Variants in RORA observed in about 807,000 individuals in gnomAD.
RORA encodes the protein RAR related orphan receptor A.
In RORA, 7 loss-of-function variants were observed where a neutral mutation model predicts 69.5. The observed-to-expected ratio is 0.10, with a 90% CI of 0.06 to 0.19. The LOEUF (loss-of-function observed/expected upper bound fraction) is 0.19, where lower values mean the gene tolerates loss of function less well. Among genes scored for constraint, RORA ranks in the 10% least tolerant of loss-of-function variants. The pLI, the probability that RORA is intolerant of heterozygous loss-of-function variation, is 1.00. For synonymous variants in RORA, 261 were observed against 240.8 expected (o/e 1.08, Z -0.78); for missense variants, 457 against 663.0 (o/e 0.69, Z 3.41).
At chr15:60,935,884 C>A (rs1413548262) in intron 1 of RORA, among the ~76,000 whole-genome samples, 1 of 152,206 alleles carries the variant, frequency 6.6e-6, no homozygotes, top group African/African-American at 2.4e-5. Flanking sequence ...TTAGCTTTGC[C>A]CTTTTTAGAG....
chr15:61,042,661 G>A (rs772596889), intron 1 of RORA, among the ~76,000 whole-genome samples: 4 of 152,178 alleles, frequency 2.6e-5, no homozygotes, highest in Non-Finnish European at 4.4e-5. Flanking sequence ...ACTCAATAGC[G>A]GATGATGCCA....
intron 1 of RORA, among the ~76,000 whole-genome samples, chr15:60,938,281 G>C (rs78162579): frequency 0.02 from 3,053 of 152,282 alleles, 37 homozygotes; most frequent in Middle Eastern, 0.048. Flanking sequence ...AGGTCTGTAG[G>C]AGGCAATAAT....
chr15:60,946,477 C>T (rs373843796), intron 1 of RORA, among the ~76,000 whole-genome samples: 23 of 152,354 alleles, frequency 1.5e-4, no homozygotes, highest in African/African-American at 5.3e-4. Context: ...GCTTTGTTGG[C>T]CGGGCTGGTC....
At chr15:60,963,487 G>A (rs2068445892) in intron 1 of RORA, among the ~76,000 whole-genome samples, 1 of 152,222 alleles carries the variant, frequency 6.6e-6, no homozygotes, top group Non-Finnish European at 1.5e-5. Flanking sequence ...TGGGCCTAGA[G>A]CAATTATCTG....
chr15:61,059,685 A>AC (rs1555406727), intron 1 of RORA, among the ~76,000 whole-genome samples: 1 of 150,846 alleles, frequency 6.6e-6, no homozygotes, highest in Non-Finnish European at 1.5e-5. Flanking sequence ...CTTCTTCTCA[A>AC]TTTTTTTTTA....
intron 2 of RORA, among the ~76,000 whole-genome samples, chr15:60,596,003 A>G (rs2068658623): frequency 6.6e-6 from 1 of 152,180 alleles, no homozygotes; most frequent in Non-Finnish European, 1.5e-5. Context: ...AGATGGGTGC[A>G]TTTTTGCAGG....
chr15:61,142,727 C>T (rs1428050434), intron 1 of RORA, among the ~76,000 whole-genome samples: 1 of 152,110 alleles, frequency 6.6e-6, no homozygotes, highest in Non-Finnish European at 1.5e-5. Context: ...CTCTGTCATT[C>T]ATAATATCAA....
intron 1 of RORA, among the ~76,000 whole-genome samples, chr15:60,922,614 C>T (rs1892085879): frequency 6.6e-6 from 1 of 152,190 alleles, no homozygotes; most frequent in Non-Finnish European, 1.5e-5. Flanking sequence ...ACAAGGTATA[C>T]TTAGTATGCA....
chr15:60,554,082 G>A (rs2067294575), intron 2 of RORA, among the ~76,000 whole-genome samples: 3 of 151,966 alleles, frequency 2.0e-5, no homozygotes, highest in African/African-American at 7.3e-5. Flanking sequence ...AAGAAGTTGG[G>A]TTTTTTCCTC....
intron 1 of RORA, among the ~76,000 whole-genome samples, chr15:60,852,743 AC>A (rs1231692746): frequency 6.6e-6 from 1 of 152,204 alleles, no homozygotes; most frequent in Non-Finnish European, 1.5e-5. Context: ...TCTGCAGCAA[AC>A]AGTATCATCA....
At position 60,491,955 on chromosome 15, in the gene RORA, A is replaced by C. The variant is rs2065048040; in HGVS notation, c.*5500T>G. 1 of 152,100 alleles carries C rather than the reference A, an allele frequency of 6.6e-6. No homozygotes were observed. 9.4% of individuals were successfully genotyped at this position (152,100 alleles called of 1,614,324 possible). ...GGCACATTATTTGATCTATAATATA[A>C]AGTTGTTTTCATGGGGTTCTATATC... On this transcript the variant is annotated 3_prime_UTR_variant, in exon 11 of 11. Coordinates refer to ENST00000335670, the MANE Select transcript of RORA (RefSeq NM_134261.3).
intron 1 of RORA, among the ~76,000 whole-genome samples, chr15:60,759,670 T>A (rs1421334720): frequency 6.6e-6 from 1 of 152,174 alleles, no homozygotes; most frequent in Non-Finnish European, 1.5e-5. Context: ...GTCCCTACTC[T>A]CTGATTAACC....
At chr15:60,508,809 C>T (rs778330486) in intron 5 of RORA, among the ~76,000 whole-genome samples, 1 of 152,178 alleles carries the variant, frequency 6.6e-6, no homozygotes. Context: ...GTTTCTCCTG[C>T]GCAAAGCTTT....
chr15:60,931,536 A>G (rs1892372530), intron 1 of RORA, among the ~76,000 whole-genome samples: 1 of 152,200 alleles, frequency 6.6e-6, no homozygotes, highest in African/African-American at 2.4e-5. Flanking sequence ...TCTTCTCATG[A>G]AGTGTCCTTA....
intron 1 of RORA, among the ~76,000 whole-genome samples, chr15:60,982,985 A>G (rs530138714): frequency 1.2e-4 from 18 of 152,242 alleles, no homozygotes; most frequent in African/African-American, 4.3e-4. Flanking sequence ...GAAGCCAGCT[A>G]CCTTTATAGA....
intron 1 of RORA, among the ~76,000 whole-genome samples, chr15:60,760,701 T>C (rs2140871797): frequency 6.6e-6 from 1 of 152,306 alleles, no homozygotes; most frequent in Non-Finnish European, 1.5e-5. Flanking sequence ...CCATTCCTGG[T>C]TATCAGCTAA....
At chr15:60,774,036 T>C (rs971878718) in intron 1 of RORA, among the ~76,000 whole-genome samples, 3 of 152,218 alleles carry the variant, frequency 2.0e-5, no homozygotes, top group Non-Finnish European at 4.4e-5. Context: ...GTCAGGAGCA[T>C]TCAGCAGCAG....
chr15:60,655,483 G>C (rs1416962077), intron 2 of RORA, among the ~76,000 whole-genome samples: 1 of 152,170 alleles, frequency 6.6e-6, no homozygotes, highest in African/African-American at 2.4e-5. Flanking sequence ...GCTCCAGGGG[G>C]ACAAGCAGGA....
chr15:61,015,331 CA>C (rs1268540670), intron 1 of RORA, among the ~76,000 whole-genome samples: 2 of 152,076 alleles, frequency 1.3e-5, no homozygotes, highest in Non-Finnish European at 2.9e-5. Context: ...CTTTGAAAAC[CA>C]GCTAAAAATG....
Sources: gnomAD v4.1 joint callset for allele counts (sites outside exome capture counted in the v4.1 genomes callset) on GRCh38, gnomAD v4.1.1 for gene constraint, MANE v1.5 for transcripts, NCBI Gene and HGNC (gene_info 2026-07-23, HGNC 2026-07-21) for gene names.